Variants in ENOX1 observed in about 807,000 individuals in gnomAD.
ENOX1 encodes ecto-NOX disulfide-thiol exchanger 1, also known as candidate growth-related and time keeping constitutive hydroquinone (NADH) oxidase.
ENOX1 carries 42 observed loss-of-function variants against 82.5 expected under a neutral mutation model. The ratio of observed to expected loss-of-function variants is 0.51; its 90% CI spans 0.40 to 0.66. The LOEUF is 0.66. ENOX1 is among the 30% of genes least tolerant of loss of function. ENOX1 has a pLI of 0.00. For synonymous variants in ENOX1, 271 were observed against 282.2 expected (o/e 0.96, Z 0.40); for missense variants, 608 against 811.6 (o/e 0.75, Z 3.05).
intron 1 of ENOX1, among the ~76,000 whole-genome samples, chr13:43,784,596 T>A (rs960059098): frequency 1.3e-5 from 2 of 152,236 alleles, no homozygotes; most frequent in Non-Finnish European, 2.9e-5. Context: ...GAATCTTAAA[T>A]TTTATTCATC....
At chr13:43,293,652 C>T (rs192113213) in intron 12 of ENOX1, among the ~76,000 whole-genome samples, 4 of 152,270 alleles carry the variant, frequency 2.6e-5, no homozygotes, top group Admixed American at 6.5e-5. Context: ...CTAAAAAAAA[C>T]GTACTTACTA....
intron 2 of ENOX1, among the ~76,000 whole-genome samples, chr13:43,564,427 C>T (rs6561130): frequency 0.57 from 87,147 of 151,660 alleles, 25,319 homozygotes; most frequent in African/African-American, 0.61. Flanking sequence ...AAATAAAAAA[C>T]TATAATAAAC....
intron 9 of ENOX1, among the ~76,000 whole-genome samples, chr13:43,332,952 C>T (rs2048491676): frequency 6.6e-6 from 1 of 152,098 alleles, no homozygotes; most frequent in Non-Finnish European, 1.5e-5. Context: ...TTAACAGATC[C>T]TAGCACATCC....
chr13:43,713,829 G>A (rs1275593880), intron 1 of ENOX1, among the ~76,000 whole-genome samples: 56 of 150,538 alleles, frequency 3.7e-4, no homozygotes, highest in South Asian at 1.5e-3. Context: ...TCTTGCTAGC[G>A]GTCTATCAAT....
At chr13:43,280,641 A>G (rs2045323472) in intron 12 of ENOX1, among the ~76,000 whole-genome samples, 1 of 152,212 alleles carries the variant, frequency 6.6e-6, no homozygotes, top group Non-Finnish European at 1.5e-5. Flanking sequence ...AGGATGGAAA[A>G]CTTTATTATG....
chr13:43,368,967 C>T (rs1440545473), intron 5 of ENOX1, among the ~76,000 whole-genome samples: 1 of 152,108 alleles, frequency 6.6e-6, no homozygotes, highest in Admixed American at 6.5e-5. Flanking sequence ...TCTGTCTCTC[C>T]AGCATGCCTT....
chr13:43,772,749 T>TAAAAAAAAAAAAAAAAAAAAAAAAAAAA (rs35359203), intron 1 of ENOX1, among the ~76,000 whole-genome samples: 1 of 112,110 alleles, frequency 8.9e-6, no homozygotes, highest in Admixed American at 9.3e-5. Flanking sequence ...ACTCTGTCTT[T>TAAAAAAAAAAAAAAAAAAAAAAAAAAAA]AAAAAAAAAA....
intron 3 of ENOX1, among the ~76,000 whole-genome samples, chr13:43,415,757 A>C (rs1228455691): frequency 6.6e-6 from 1 of 151,306 alleles, no homozygotes; most frequent in Non-Finnish European, 1.5e-5. Context: ...GATGGTCGCT[A>C]TCTCTTCGGA....
intron 1 of ENOX1, among the ~76,000 whole-genome samples, chr13:43,685,244 C>T (rs1266759076): frequency 6.6e-6 from 1 of 152,156 alleles, no homozygotes; most frequent in African/African-American, 2.4e-5. Flanking sequence ...CAAAGTCTCA[C>T]TTCCCAGCAA....
intron 1 of ENOX1, among the ~76,000 whole-genome samples, chr13:43,745,164 G>A (rs1455483064): frequency 6.6e-6 from 1 of 152,130 alleles, no homozygotes; most frequent in Non-Finnish European, 1.5e-5. Flanking sequence ...TAGAGGAAAA[G>A]TAACTGCAAT....
chr13:43,232,093 CTTTT>C (rs33932346), intron 15 of ENOX1, among the ~76,000 whole-genome samples: 20 of 109,554 alleles, frequency 1.8e-4, no homozygotes, highest in Admixed American at 4.5e-4. Context: ...GCCCAGCTAA[CTTTT>C]TTTTTTTTTT....
intron 2 of ENOX1, among the ~76,000 whole-genome samples, chr13:43,488,685 A>C (rs970823494): frequency 1.3e-5 from 2 of 152,222 alleles, no homozygotes; most frequent in South Asian, 2.1e-4. Context: ...GGCTAAGAAG[A>C]AGCAGAAGAC....
At chr13:43,607,014 T>C (rs2153734955) in intron 2 of ENOX1, among the ~76,000 whole-genome samples, 1 of 152,114 alleles carries the variant, frequency 6.6e-6, no homozygotes, top group East Asian at 1.9e-4. Flanking sequence ...TCTCAAAAAA[T>C]ACATATATAT....
chr13:43,231,808 C>A (rs1040355559), intron 15 of ENOX1, among the ~76,000 whole-genome samples: 3 of 152,210 alleles, frequency 2.0e-5, no homozygotes. Context: ...GATCATCTTT[C>A]CACCATCAGT....
chr13:43,380,003 T>C (rs1330610477), intron 5 of ENOX1, among the ~76,000 whole-genome samples: 1 of 151,880 alleles, frequency 6.6e-6, no homozygotes, highest in Non-Finnish European at 1.5e-5. Context: ...GACACTAGAA[T>C]AGCACCTTTA....
intron 2 of ENOX1, among the ~76,000 whole-genome samples, chr13:43,629,278 T>C (rs965818547): frequency 2.0e-5 from 3 of 152,206 alleles, no homozygotes; most frequent in Non-Finnish European, 2.9e-5. Flanking sequence ...AAGTGTTCTG[T>C]CTTGCTGCAA....
At chr13:43,720,706 ATGCACATGTGTG>A (rs1328361406) in intron 1 of ENOX1, among the ~76,000 whole-genome samples, 1 of 152,222 alleles carries the variant, frequency 6.6e-6, no homozygotes, top group East Asian at 1.9e-4. Flanking sequence ...GCAGAGGGGT[ATGCACATGTGTG>A]TCCCCATTCC....
At chr13:43,223,928 A>G in intron 16 of ENOX1, 125 bp downstream of exon 16, 2 of 642,538 alleles carry the variant, frequency 3.1e-6, no homozygotes, top group Non-Finnish European at 5.4e-6. Context: ...CTTGCAAAAG[A>G]GAAGGGCTGA....
intron 2 of ENOX1, among the ~76,000 whole-genome samples, chr13:43,651,704 A>AAAAAAAAAAAAAAAAAAAAAAAAAC (rs2084182296): frequency 2.1e-5 from 3 of 145,862 alleles, no homozygotes; most frequent in Non-Finnish European, 4.5e-5. Flanking sequence ...CTAAAAAAAA[A>AAAAAAAAAAAAAAAAAAAAAAAAAC]AATCACACCT....
Sources: gnomAD v4.1 joint callset for allele counts (sites outside exome capture counted in the v4.1 genomes callset) on GRCh38, gnomAD v4.1.1 for gene constraint, MANE v1.5 for transcripts, NCBI Gene and HGNC (gene_info 2026-07-23, HGNC 2026-07-21) for gene names.